The following RPS6KC1 variants were observed in gnomAD, a reference collection of about 807,000 sequenced individuals.
The protein encoded by RPS6KC1 is ribosomal protein S6 kinase C1.
In RPS6KC1, 54 loss-of-function variants were observed where a neutral mutation model predicts 103.8. The observed-to-expected ratio is 0.52, with a 90% CI of 0.42 to 0.65. The LOEUF (loss-of-function observed/expected upper bound fraction) is 0.65, where lower values mean the gene tolerates loss of function less well. RPS6KC1 is among the 30% of genes least tolerant of loss of function. The pLI, the probability that RPS6KC1 is intolerant of heterozygous loss-of-function variation, is 0.00. For missense variants in RPS6KC1, 1,151 were observed against 1,253.8 expected (o/e 0.92, Z 1.24); for synonymous variants, 439 against 438.7 (o/e 1.00, Z -0.01).
rs146013577 is a variant in RPS6KC1 at position 213,117,398 on chromosome 1, T to A, written c.460T>A (p.Cys154Ser). ...TTCCCTCATTGATACCTTTCCTGAGTGTAGTACGGAAGGTAAGAGATTTTA... is the reference window on the plus strand; with the variant it reads ...TTCCCTCATTGATACCTTTCCTGAGAGTAGTACGGAAGGTAAGAGATTTTA... The part of the protein sequence containing the change: ...SDSLIDTFPE[C>S]STEGFSSDSD... The change falls in exon 5 of 15, where the codon TGT becomes AGT. Residue 154 changes from cysteine to serine, a missense_variant. Physicochemically the swap from Cys to Ser is moderately radical, Grantham distance 112. Transcript: ENST00000366960. 1 of 1,599,916 alleles carries A rather than the reference T, an allele frequency of 6.3e-7. No homozygotes were observed. Among genetic ancestry groups the A allele is most frequent in the Non-Finnish European group, 8.6e-7 (1 of 1,168,498 alleles).
At chr1:213,611,010 A>G in the RPS6KC1 span, among the ~76,000 whole-genome samples, 1 of 152,180 alleles carries the variant, frequency 6.6e-6, no homozygotes, top group East Asian at 1.9e-4. Context: ...TACACCATAA[A>G]TGCTTGTATA....
At chr1:213,101,800 A>G (rs2082039988) in intron 3 of RPS6KC1, among the ~76,000 whole-genome samples, 1 of 152,140 alleles carries the variant, frequency 6.6e-6, no homozygotes, top group African/African-American at 2.4e-5. Flanking sequence ...TTTTTTCTTT[A>G]AGCGATAACT....
the RPS6KC1 span, among the ~76,000 whole-genome samples, chr1:213,769,039 AAT>A: frequency 6.6e-6 from 1 of 152,170 alleles, no homozygotes; most frequent in Non-Finnish European, 1.5e-5. Context: ...TTCCTTCTAC[AAT>A]ATATAGACAG....
chr1:213,514,480 G>T, the RPS6KC1 span, among the ~76,000 whole-genome samples: 3 of 149,856 alleles, frequency 2.0e-5, no homozygotes, highest in African/African-American at 7.4e-5. Flanking sequence ...AACATGTGGT[G>T]TTTGTTTTTT....
Position 213,240,905 on chromosome 1 carries a change from A to C in RPS6KC1, c.1429A>C (p.Thr477Pro). ...LKALPLKSSL[T>P]PSSQDDSNQE... is the part of the protein sequence containing the mutation. ...AGCTCTGCCTTTGAAGAGTAGTCTT[A>C]CTCCAAGTTCTCAAGATGACAGCAA... The change falls in exon 11 of 15, where the codon ACT (threonine) becomes CCT (proline). Residue 477 changes from threonine (T) to proline (P), a missense_variant. Thr to Pro is a conservative substitution (Grantham distance 38). Around this residue, in one of 3 missense-constraint regions of RPS6KC1, gnomAD observed 959 missense variants for 1,006.3 expected, o/e 0.95. Transcript: ENST00000366960. The C allele has an allele frequency of 6.2e-7, 1 of 1,613,858 alleles. No homozygotes were observed.
chr1:213,727,339 A>C, the RPS6KC1 span, among the ~76,000 whole-genome samples: 2 of 152,268 alleles, frequency 1.3e-5, no homozygotes, highest in East Asian at 3.9e-4. Context: ...TTCTGAGATG[A>C]GGGTACAGGG....
chr1:213,588,782 T>A, the RPS6KC1 span, among the ~76,000 whole-genome samples: 2 of 152,082 alleles, frequency 1.3e-5, no homozygotes, highest in Non-Finnish European at 2.9e-5. Context: ...AAAGGGCAGG[T>A]CCCTCTGCAG....
the RPS6KC1 span, among the ~76,000 whole-genome samples, chr1:213,734,845 A>G: frequency 6.6e-6 from 1 of 152,254 alleles, no homozygotes; most frequent in Admixed American, 6.5e-5. Flanking sequence ...TTTTGAAGTT[A>G]TCTCATTCCT....
the RPS6KC1 span, among the ~76,000 whole-genome samples, chr1:213,650,373 TAGTC>T: frequency 4.8e-3 from 737 of 152,294 alleles, 4 homozygotes; most frequent in African/African-American, 0.015. Flanking sequence ...TTTAACTAAA[TAGTC>T]AGCCTTAGTG....
At chr1:213,706,510 T>C in the RPS6KC1 span, among the ~76,000 whole-genome samples, 2 of 152,164 alleles carry the variant, frequency 1.3e-5, no homozygotes, top group Non-Finnish European at 2.9e-5. Flanking sequence ...TTCAACAATA[T>C]GTAGTTAAAA....
chr1:213,654,354 T>A, the RPS6KC1 span, among the ~76,000 whole-genome samples: 1 of 152,098 alleles, frequency 6.6e-6, no homozygotes, highest in Non-Finnish European at 1.5e-5. Context: ...ACTTTTCAAA[T>A]GATAAAAAAA....
At chr1:213,512,751 C>G in the RPS6KC1 span, among the ~76,000 whole-genome samples, 9 of 152,250 alleles carry the variant, frequency 5.9e-5, no homozygotes, top group East Asian at 1.7e-3. Context: ...GTAGTGTTGT[C>G]CTTGTAAACT....
chr1:213,479,509 T>C, the RPS6KC1 span, among the ~76,000 whole-genome samples: 2 of 152,038 alleles, frequency 1.3e-5, no homozygotes, highest in Non-Finnish European at 2.9e-5. Context: ...CTTGTATATA[T>C]TGGTCGTTTT....
chr1:213,490,366 G>C, the RPS6KC1 span, among the ~76,000 whole-genome samples: 1 of 152,150 alleles, frequency 6.6e-6, no homozygotes, highest in South Asian at 2.1e-4. Context: ...GCTCTCAGAG[G>C]TGCCGGCTGA....
the RPS6KC1 span, among the ~76,000 whole-genome samples, chr1:213,823,835 C>A: frequency 7.9e-5 from 12 of 151,876 alleles, no homozygotes; most frequent in Admixed American, 3.9e-4. Flanking sequence ...CTGTTCTAAA[C>A]TTTTTACATA....
At chr1:213,348,841 G>A in the RPS6KC1 span, among the ~76,000 whole-genome samples, 8 of 152,098 alleles carry the variant, frequency 5.3e-5, no homozygotes, top group East Asian at 1.5e-3. Context: ...GCTCATAAAT[G>A]GTTTCAATGA....
chr1:213,308,866 T>C, the RPS6KC1 span, among the ~76,000 whole-genome samples: 1 of 152,184 alleles, frequency 6.6e-6, no homozygotes, highest in Non-Finnish European at 1.5e-5. Flanking sequence ...TGTAAATGGA[T>C]GAAAAAGTAA....
At chr1:213,106,425 T>G (rs945969493) in intron 4 of RPS6KC1, among the ~76,000 whole-genome samples, 6 of 152,244 alleles carry the variant, frequency 3.9e-5, no homozygotes, top group Admixed American at 3.9e-4. Flanking sequence ...AACATGGCAG[T>G]TTTTAAAAGC....
intron 2 of RPS6KC1, among the ~76,000 whole-genome samples, chr1:213,074,843 ATTTTTTTTTTTTTTTTT>A (rs752747801): frequency 2.4e-4 from 17 of 71,268 alleles, no homozygotes; most frequent in African/African-American, 6.7e-4. Flanking sequence ...ACTAGAATAA[ATTTTTTTTTTTTTTTTT>A]TTTTTTTTTT....
Sources: allele counts gnomAD v4.1 joint callset (sites outside exome capture counted in the v4.1 genomes callset), GRCh38; gene constraint gnomAD v4.1.1; regional missense constraint gnomAD v4.1.1; transcripts MANE v1.5; gene names NCBI Gene and HGNC (gene_info 2026-07-23, HGNC 2026-07-21).